Variants in ASAP1 observed in about 807,000 individuals in gnomAD.
The protein encoded by ASAP1 is ArfGAP with SH3 domain, ankyrin repeat and PH domain 1, also known as arf-GAP with SH3 domain, ANK repeat and PH domain-containing protein 1.
ASAP1 carries 43 observed loss-of-function variants against 145.2 expected under a neutral mutation model. The ratio of observed to expected loss-of-function variants is 0.30; its 90% CI spans 0.23 to 0.38. ASAP1 has a LOEUF of 0.38. Ranked by LOEUF, ASAP1 falls within the 10% of genes least tolerant of loss-of-function variation. ASAP1 has a pLI of 1.00. For missense variants in ASAP1, 1,018 were observed against 1,355.3 expected, an observed-to-expected ratio of 0.75 and a Z score of 3.91; for synonymous variants, 546 against 515.5, an observed-to-expected ratio of 1.06 and a Z score of -0.80.
intron 13 of ASAP1, among the ~76,000 whole-genome samples, chr8:130,143,275 C>G (rs1182441515): frequency 6.6e-6 from 1 of 152,150 alleles, no homozygotes; most frequent in Non-Finnish European, 1.5e-5. Flanking sequence ...TAAAATAAAA[C>G]ACATTCATAG....
chr8:130,253,426 T>C (rs1819324191), intron 3 of ASAP1, among the ~76,000 whole-genome samples: 1 of 152,202 alleles, frequency 6.6e-6, no homozygotes. Flanking sequence ...TTGATTTTTT[T>C]CCCCAAAGTT....
At chr8:130,201,790 G>A (rs1465750240) in intron 5 of ASAP1, among the ~76,000 whole-genome samples, 4 of 152,106 alleles carry the variant, frequency 2.6e-5, no homozygotes, top group Non-Finnish European at 4.4e-5. Flanking sequence ...TCATTTCCAC[G>A]CATGGCATCT....
At chr8:130,253,477 A>C (rs1459569970) in intron 3 of ASAP1, among the ~76,000 whole-genome samples, 1 of 152,176 alleles carries the variant, frequency 6.6e-6, no homozygotes, top group Non-Finnish European at 1.5e-5. Context: ...TTTTATGTGA[A>C]TGGTGGTGCT....
intron 3 of ASAP1, among the ~76,000 whole-genome samples, chr8:130,325,811 A>G (rs986662754): frequency 2.6e-5 from 4 of 152,194 alleles, no homozygotes; most frequent in Admixed American, 2.6e-4. Context: ...TTGTTCTTAT[A>G]TTGTGGATGA....
At chr8:130,074,571 G>T (rs1351973203) in intron 27 of ASAP1, among the ~76,000 whole-genome samples, 1 of 151,856 alleles carries the variant, frequency 6.6e-6, no homozygotes, top group African/African-American at 2.4e-5. Flanking sequence ...GCCCTGATAG[G>T]GCAAGTCAGA....
intron 3 of ASAP1, among the ~76,000 whole-genome samples, chr8:130,245,271 T>G (rs1458207841): frequency 6.6e-6 from 1 of 152,192 alleles, no homozygotes; most frequent in African/African-American, 2.4e-5. Context: ...GATGTTTATC[T>G]GTGCTGTTTT....
chr8:130,253,337 T>C (rs149918906), intron 3 of ASAP1, among the ~76,000 whole-genome samples: 9 of 152,318 alleles, frequency 5.9e-5, no homozygotes, highest in African/African-American at 2.2e-4. Context: ...AAGAAATCCA[T>C]ATAAAGTGCC....
intron 3 of ASAP1, among the ~76,000 whole-genome samples, chr8:130,268,524 C>A (rs1204486502): frequency 1.4e-5 from 2 of 147,110 alleles, no homozygotes; most frequent in Non-Finnish European, 1.5e-5. Flanking sequence ...CACACACACA[C>A]ACACACACAC....
chr8:130,393,075 T>C (rs373781606), intron 2 of ASAP1, among the ~76,000 whole-genome samples: 20 of 152,334 alleles, frequency 1.3e-4, no homozygotes, highest in African/African-American at 4.8e-4. Context: ...ATCTTCTTTT[T>C]AATGGCTGCA....
intron 18 of ASAP1, among the ~76,000 whole-genome samples, chr8:130,123,719 C>A (rs1053802207): frequency 6.6e-6 from 1 of 152,068 alleles, no homozygotes; most frequent in African/African-American, 2.4e-5. Context: ...CTCCGCCTCC[C>A]GGGTTCATGC....
At chr8:130,099,926 T>G (rs2097525711) in intron 24 of ASAP1, among the ~76,000 whole-genome samples, 1 of 152,232 alleles carries the variant, frequency 6.6e-6, no homozygotes, top group South Asian at 2.1e-4. Context: ...GATGGACATT[T>G]AGACTGATTC....
chr8:130,439,133 G>T (rs560298239), intron 1 of ASAP1, among the ~76,000 whole-genome samples: 45 of 152,334 alleles, frequency 3.0e-4, no homozygotes, highest in African/African-American at 1.0e-3. Flanking sequence ...GAGAATCAGA[G>T]AGATGGAAGC....
At chr8:130,066,158 C>T (rs2097430257) in intron 27 of ASAP1, among the ~76,000 whole-genome samples, 1 of 152,196 alleles carries the variant, frequency 6.6e-6, no homozygotes, top group African/African-American at 2.4e-5. Context: ...ATTTCCTTTG[C>T]CTTCCCAATA....
chr8:130,220,081 C>T (rs1033063121), intron 4 of ASAP1, among the ~76,000 whole-genome samples: 8 of 152,140 alleles, frequency 5.3e-5, no homozygotes, highest in East Asian at 1.9e-4. Context: ...TAAGCCACCA[C>T]GCCTGGCCTG....
chr8:130,395,102 C>G (rs990156978), intron 2 of ASAP1, among the ~76,000 whole-genome samples: 1 of 152,182 alleles, frequency 6.6e-6, no homozygotes, highest in African/African-American at 2.4e-5. Flanking sequence ...CCTGCCGCAG[C>G]ACAAGAAAAA....
At chr8:130,180,988 T>TGTA (rs935121010) in intron 7 of ASAP1, 108 bp from the exon 8 acceptor site, 1 of 966,906 alleles carries the variant, frequency 1.0e-6, no homozygotes, top group African/African-American at 1.7e-5. Flanking sequence ...GATGTGTCTA[T>TGTA]GTAGGTTCAT....
chr8:130,255,524 C>G (rs1265383451), intron 3 of ASAP1, among the ~76,000 whole-genome samples: 3 of 152,122 alleles, frequency 2.0e-5, no homozygotes, highest in Non-Finnish European at 4.4e-5. Context: ...TCTGATAGAT[C>G]ATCTGTCTCC....
intron 27 of ASAP1, among the ~76,000 whole-genome samples, chr8:130,073,322 G>A (rs371522597): frequency 5.9e-5 from 9 of 151,758 alleles, no homozygotes; most frequent in African/African-American, 1.7e-4. Context: ...CCTGGGAGGC[G>A]GAGGTTGCGG....
intron 3 of ASAP1, among the ~76,000 whole-genome samples, chr8:130,315,722 A>G (rs1047197197): frequency 2.0e-5 from 3 of 152,194 alleles, no homozygotes; most frequent in African/African-American, 7.2e-5. Flanking sequence ...GCAATTTTAA[A>G]TGGAATGACT....
Sources: allele counts gnomAD v4.1 joint callset (sites outside exome capture counted in the v4.1 genomes callset), GRCh38; gene constraint gnomAD v4.1.1; transcripts MANE v1.5; gene names NCBI Gene and HGNC (gene_info 2026-07-23, HGNC 2026-07-21).